Variants in DESI2 observed in about 807,000 individuals in gnomAD.
DESI2 encodes the protein deubiquitinase DESI2.
DESI2 carries 10 observed loss-of-function variants against 24.1 expected under a neutral mutation model. That is an observed-to-expected ratio of 0.41 (90% CI 0.26 to 0.70). The LOEUF (loss-of-function observed/expected upper bound fraction) is 0.70, where lower values mean the gene tolerates loss of function less well. Among genes scored for constraint, DESI2 ranks in the 30% least tolerant of loss-of-function variants. The probability of loss-of-function intolerance (pLI) is 0.29; values close to 1 mark genes in which losing one functional copy is unlikely to be tolerated. For missense variants in DESI2, 122 were observed against 234.9 expected (o/e 0.52, Z 3.14); for synonymous variants, 71 against 87.7 (o/e 0.81, Z 1.06).
At chr1:244,690,720 A>G (rs534701801) in intron 3 of DESI2, among the ~76,000 whole-genome samples, 1 of 152,146 alleles carries the variant, frequency 6.6e-6, no homozygotes, top group East Asian at 1.9e-4. Flanking sequence ...AAAAAAAAAA[A>G]AAAAAGTGAT....
chr1:244,684,152 T>C (rs1676732450), intron 1 of DESI2, among the ~76,000 whole-genome samples: 1 of 152,232 alleles, frequency 6.6e-6, no homozygotes, highest in East Asian at 1.9e-4. Flanking sequence ...ATGCTTATGG[T>C]TTTTTATATG....
Position 244,708,224 on chromosome 1 carries a change from A to G in DESI2, c.*2435A>G, listed in dbSNP as rs1677785996. The G allele has an allele frequency of 6.6e-6, 1 of 152,500 alleles. No individual in the cohort carries two copies. Among genetic ancestry groups the G allele is most frequent in the South Asian group, 2.1e-4 (1 of 4,836 alleles). The allele number at this position is 152,500 out of a possible 1,614,324, so 9.4% of individuals were successfully genotyped here. A position where few individuals can be genotyped will look rare whatever the true frequency, so the allele number is the denominator to read the frequency against. On this transcript the variant is annotated 3_prime_UTR_variant, in exon 5 of 5. Transcript: ENST00000302550. ...GTCTCTTTGTTGTCACCAAGTGAAC[A>G]TACTTCTCATGGTGGGTTGGACAGT...
At chr1:244,683,601 G>A (rs374618262) in intron 1 of DESI2, among the ~76,000 whole-genome samples, 97 of 151,996 alleles carry the variant, frequency 6.4e-4, no homozygotes, top group Middle Eastern at 3.4e-3. Flanking sequence ...GTGAGCCACC[G>A]CGCCCAGCCT....
intron 1 of DESI2, among the ~76,000 whole-genome samples, chr1:244,657,312 TC>T (rs1675682189): frequency 6.6e-6 from 1 of 152,252 alleles, no homozygotes; most frequent in East Asian, 1.9e-4. Context: ...GAATCACACA[TC>T]CCACCTAAAT....
intron 4 of DESI2, 55 bp from the exon 5 acceptor site, chr1:244,705,501 G>A: frequency 6.7e-7 from 1 of 1,489,382 alleles, no homozygotes; most frequent in Non-Finnish European, 9.3e-7. Flanking sequence ...CCCTGGCAGT[G>A]GACCAGGTAA....
intron 1 of DESI2, among the ~76,000 whole-genome samples, chr1:244,663,823 C>G (rs1259505488): frequency 6.6e-6 from 1 of 151,774 alleles, no homozygotes; most frequent in Admixed American, 6.6e-5. Flanking sequence ...TCGAGACCAT[C>G]CTGGCTAACA....
intron 1 of DESI2, among the ~76,000 whole-genome samples, chr1:244,682,520 C>T (rs957582984): frequency 6.6e-6 from 1 of 152,176 alleles, no homozygotes; most frequent in African/African-American, 2.4e-5. Flanking sequence ...CTTTCATCCA[C>T]CTCTGGTAGG....
chr1:244,707,381 C>T lies in DESI2; in HGVS notation c.*1592C>T, dbSNP rs1677749038. 6.6e-6 allele frequency: 1 copy of T among 152,590 alleles called. No homozygotes were observed. Among genetic ancestry groups the T allele is most frequent in the Admixed American group, 6.5e-5 (1 of 15,274 alleles). The allele number at this position is 152,590 out of a possible 1,614,324, so 9.5% of individuals were successfully genotyped here. On this transcript the variant is annotated 3_prime_UTR_variant, in exon 5 of 5. Coordinates refer to ENST00000302550, the MANE Select transcript of DESI2 (RefSeq NM_016076.5). Reference sequence around the variant, plus strand: ...CCTGAGGACAATGAAGCCACTTAACCTAATTTATGCTTTCGACTGTTCTGT... The same window carrying T: ...CCTGAGGACAATGAAGCCACTTAACTTAATTTATGCTTTCGACTGTTCTGT...
intron 1 of DESI2, among the ~76,000 whole-genome samples, chr1:244,669,407 T>C (rs1676163584): frequency 6.6e-6 from 1 of 152,080 alleles, no homozygotes; most frequent in Non-Finnish European, 1.5e-5. Context: ...GGCCAGTTGC[T>C]CTGGCTCACA....
At chr1:244,664,158 C>G (rs1675960545) in intron 1 of DESI2, among the ~76,000 whole-genome samples, 1 of 151,864 alleles carries the variant, frequency 6.6e-6, no homozygotes. Flanking sequence ...GGCCAGTGTC[C>G]AGAATTACTC....
At chr1:244,673,462 A>C (rs1419972968) in intron 1 of DESI2, among the ~76,000 whole-genome samples, 1 of 152,208 alleles carries the variant, frequency 6.6e-6, no homozygotes, top group African/African-American at 2.4e-5. Context: ...TCTGCTCTTG[A>C]TATATTCCTT....
intron 1 of DESI2, among the ~76,000 whole-genome samples, chr1:244,680,732 G>A (rs529706997): frequency 7.9e-5 from 12 of 152,288 alleles, no homozygotes; most frequent in African/African-American, 2.9e-4. Context: ...TGACATTGGT[G>A]CAACAAATGG....
intron 4 of DESI2, among the ~76,000 whole-genome samples, chr1:244,695,624 T>A (rs1042265141): frequency 1.2e-4 from 19 of 152,204 alleles, no homozygotes; most frequent in Admixed American, 2.0e-4. Flanking sequence ...TTGCACTCCA[T>A]CCTGGGCAAC....
chr1:244,680,656 A>T (rs1309837855), intron 1 of DESI2, among the ~76,000 whole-genome samples: 3 of 152,264 alleles, frequency 2.0e-5, no homozygotes, highest in Non-Finnish European at 2.9e-5. Context: ...GATATACACC[A>T]TATTTTTCCA....
chr1:244,669,194 A>G (rs1166206399), intron 1 of DESI2, among the ~76,000 whole-genome samples: 1 of 151,934 alleles, frequency 6.6e-6, no homozygotes, highest in Admixed American at 6.6e-5. Context: ...ATAGGGTCTC[A>G]CTATGTGGCC....
chr1:244,703,023 A>C (rs1677537777), intron 4 of DESI2, among the ~76,000 whole-genome samples: 1 of 106,954 alleles, frequency 9.3e-6, no homozygotes, highest in Non-Finnish European at 1.8e-5. Context: ...TTTTGGTGAG[A>C]CGAAGTCTTG....
Position 244,686,631 on chromosome 1 carries a change from T to C in DESI2, c.77T>C (p.Ile26Thr), listed in dbSNP as rs1330368026. ...AACGAATATACCTCATCCATTGGAA[T>C]TGGAGTTTTTCATTCAGGAATTGAA... ...WMNEYTSSIGIGVFHSGIEVY... is the reference protein window; with the variant it reads ...WMNEYTSSIGTGVFHSGIEVY... Residue 26 changes from isoleucine (I) to threonine (T), a missense_variant, in exon 2 of 5, where the codon ATT (isoleucine) becomes ACT (threonine). This residue lies in a region of DESI2 where 16 missense variants were observed against 65.7 expected (regional missense o/e 0.24). Coordinates refer to ENST00000302550, the MANE Select transcript of DESI2 (RefSeq NM_016076.5). 2 of 1,609,370 alleles carry C rather than the reference T, an allele frequency of 1.2e-6. No individual in the cohort carries two copies. The highest frequency in any genetic ancestry group is 1.7e-6 in the Non-Finnish European group (2 of 1,175,704).
chr1:244,655,101 G>C (rs1230330685), intron 1 of DESI2, among the ~76,000 whole-genome samples: 4 of 152,200 alleles, frequency 2.6e-5, no homozygotes, highest in Admixed American at 2.0e-4. Flanking sequence ...GGTCGATTGG[G>C]AAAAGCTAGA....
chr1:244,692,334 GCTT>G (rs941766265), intron 4 of DESI2, among the ~76,000 whole-genome samples: 13 of 152,060 alleles, frequency 8.5e-5, no homozygotes, highest in Middle Eastern at 3.4e-3. Context: ...AGAAACTTCT[GCTT>G]CTTAGCCACT....
Sources: gnomAD v4.1 joint callset for allele counts (sites outside exome capture counted in the v4.1 genomes callset) on GRCh38, gnomAD v4.1.1 for gene constraint, gnomAD v4.1.1 regional missense constraint, MANE v1.5 for transcripts, NCBI Gene and HGNC (gene_info 2026-07-23, HGNC 2026-07-21) for gene names.